Variants in PKNOX2 observed in about 807,000 individuals in gnomAD.
The protein encoded by PKNOX2 is PBX/knotted 1 homeobox 2.
In PKNOX2, 14 loss-of-function variants were observed where a neutral mutation model predicts 53.1. The ratio of observed to expected loss-of-function variants is 0.26; its 90% CI spans 0.17 to 0.41. The LOEUF (loss-of-function observed/expected upper bound fraction) is 0.41. Ranked by LOEUF, PKNOX2 falls within the 10% of genes least tolerant of loss-of-function variation. PKNOX2 has a pLI of 1.00. For synonymous variants in PKNOX2, 257 were observed against 242.8 expected (o/e 1.06, Z -0.54); for missense variants, 496 against 602.8 (o/e 0.82, Z 1.85).
chr11:125,327,861 C>T (rs368311749), intron 2 of PKNOX2, among the ~76,000 whole-genome samples: 2 of 152,312 alleles, frequency 1.3e-5, no homozygotes, highest in South Asian at 2.1e-4. Flanking sequence ...AGCCCTGAAG[C>T]GGTGCCCTGT....
chr11:125,276,050 G>A (rs1424658743), intron 2 of PKNOX2, among the ~76,000 whole-genome samples: 1 of 152,170 alleles, frequency 6.6e-6, no homozygotes, highest in Non-Finnish European at 1.5e-5. Context: ...AAAACCAGAG[G>A]AGCGAAGTAT....
Position 125,411,884 on chromosome 11 carries a change from G to T in PKNOX2, c.936+19G>T, listed in dbSNP as rs757544847. Reference sequence around the variant, plus strand: ...TCTCATGGTGAGTGTGTGTGTCTTGGGGGTGTGGAGTCCCGGCATGGGGTA... The same window carrying T: ...TCTCATGGTGAGTGTGTGTGTCTTGTGGGTGTGGAGTCCCGGCATGGGGTA... On this transcript the variant is annotated intron_variant, in intron 10 of 12. Coordinates refer to ENST00000298282, the MANE Select transcript of PKNOX2 (RefSeq NM_001382323.2). 61 of 1,613,690 alleles carry T rather than the reference G, an allele frequency of 3.8e-5. No individual in the cohort carries two copies. The highest frequency in any genetic ancestry group is 4.3e-5 in the Non-Finnish European group (51 of 1,179,820).
chr11:125,254,077 G>A (rs12288326), intron 2 of PKNOX2, among the ~76,000 whole-genome samples: 51,534 of 151,950 alleles, frequency 0.34, 9,120 homozygotes, highest in African/African-American at 0.41. Flanking sequence ...GCGCACACCA[G>A]GGAAACAAAC....
chr11:125,185,477 C>CCAAA (rs1555110276), intron 1 of PKNOX2, among the ~76,000 whole-genome samples: 47 of 152,126 alleles, frequency 3.1e-4, no homozygotes, highest in Non-Finnish European at 5.6e-4. Context: ...AACATTTTTT[C>CCAAA]ACTTCAGACA....
intron 1 of PKNOX2, among the ~76,000 whole-genome samples, chr11:125,211,845 G>A (rs1005937385): frequency 2.0e-5 from 3 of 152,076 alleles, no homozygotes; most frequent in Admixed American, 6.5e-5. Context: ...AATCAGTATT[G>A]AGGGTCAGAT....
intron 6 of PKNOX2, among the ~76,000 whole-genome samples, chr11:125,389,823 T>A (rs1953920560): frequency 6.6e-6 from 1 of 152,204 alleles, no homozygotes; most frequent in Non-Finnish European, 1.5e-5. Flanking sequence ...TTAACATTTA[T>A]GGGGTACATT....
intron 1 of PKNOX2, among the ~76,000 whole-genome samples, chr11:125,213,275 A>G (rs1477120374): frequency 6.6e-6 from 1 of 152,118 alleles, no homozygotes; most frequent in East Asian, 1.9e-4. Context: ...ATCAGACATT[A>G]GACAAGCCTT....
chr11:125,223,041 T>TA (rs1941376313), intron 1 of PKNOX2, among the ~76,000 whole-genome samples: 1 of 152,164 alleles, frequency 6.6e-6, no homozygotes, highest in African/African-American at 2.4e-5. Flanking sequence ...GCTAATGGTT[T>TA]ACTTCTTCAA....
chr11:125,431,179 G>A lies in PKNOX2; in HGVS notation c.1206G>A (p.Leu402=), dbSNP rs867973008. 1.9e-6 allele frequency: 3 copies of A among 1,613,492 alleles called. No homozygotes were observed. The highest frequency in any genetic ancestry group is 3.3e-4 in the Middle Eastern group (2 of 6,056). ...TTTCTCTCGCAGGTTCCATCAACTTGGACAACCTGCAGTCCCTGTCCTCAG... is the reference window on the plus strand; with the variant it reads ...TTTCTCTCGCAGGTTCCATCAACTTAGACAACCTGCAGTCCCTGTCCTCAG... ...PGTNPDGSIN[L]DNLQSLSSDS... Residue 402 remains leucine (L), a synonymous_variant, in exon 13 of 13, where the codon TTG becomes TTA. Transcript: ENST00000298282.
intron 10 of PKNOX2, among the ~76,000 whole-genome samples, chr11:125,423,459 A>T (rs1319978049): frequency 6.6e-6 from 1 of 152,180 alleles, no homozygotes; most frequent in African/African-American, 2.4e-5. Flanking sequence ...AGGTCCGATC[A>T]CTGATGCTTT....
intron 6 of PKNOX2, among the ~76,000 whole-genome samples, chr11:125,392,716 T>G (rs1489951978): frequency 6.6e-6 from 1 of 152,088 alleles, no homozygotes; most frequent in Admixed American, 6.5e-5. Flanking sequence ...AATAAATGAA[T>G]AGGTAAGTGC....
At chr11:125,295,515 G>A (rs1314012643) in intron 2 of PKNOX2, among the ~76,000 whole-genome samples, 2 of 152,246 alleles carry the variant, frequency 1.3e-5, no homozygotes, top group African/African-American at 4.8e-5. Flanking sequence ...CAGAGTGAGG[G>A]CTCAGGAGCG....
chr11:125,411,236 C>G, intron 9 of PKNOX2: 1 of 309,198 alleles, frequency 3.2e-6, no homozygotes, highest in Non-Finnish European at 6.2e-6. Flanking sequence ...GATAAGTCAC[C>G]TAACCTCTCT....
chr11:125,283,887 C>A (rs1464059830), intron 2 of PKNOX2, among the ~76,000 whole-genome samples: 1 of 152,168 alleles, frequency 6.6e-6, no homozygotes, highest in Non-Finnish European at 1.5e-5. Flanking sequence ...TCAACAGTCA[C>A]CCTGACAGTG....
In PKNOX2 at chr11:125,269,339, G is replaced by A. The variant is rs560104684; in HGVS notation, c.-130+34224G>A. Among the ~76,000 whole-genome samples the A allele has an allele frequency of 1.0e-3, 153 of 151,996 alleles. No homozygotes were observed. The Middle Eastern group carries it at 0.01, about 10-fold the overall frequency. On this transcript the variant is annotated intron_variant, in intron 2 of 12. Transcript: ENST00000298282. ...AATGCTCATTTTATTTCTCCTACAGGAACCATCTGATCTCTCTCTTTATAT... is the reference window on the plus strand; with the variant it reads ...AATGCTCATTTTATTTCTCCTACAGAAACCATCTGATCTCTCTCTTTATAT...
chr11:125,274,527 T>C (rs908564721), intron 2 of PKNOX2, among the ~76,000 whole-genome samples: 4 of 152,172 alleles, frequency 2.6e-5, no homozygotes, highest in Non-Finnish European at 5.9e-5. Context: ...TTTTTCACCT[T>C]TTATAGACTA....
Position 125,367,050 on chromosome 11 carries a change from TTA to T in PKNOX2, c.88-795_88-794del, listed in dbSNP as rs1390032963. On this transcript the variant is annotated intron_variant, in intron 4 of 12. Transcript: ENST00000298282. Reference sequence around the variant, plus strand: ...TTGAGGCTTATCATCATTCACACTTTTAGAGATTTCTTTGACTGAAGGAAATA... The same window carrying T: ...TTGAGGCTTATCATCATTCACACTTTGAGATTTCTTTGACTGAAGGAAATA... Among the ~76,000 whole-genome samples, 3 of 152,276 alleles carry T rather than the reference TTA, an allele frequency of 2.0e-5. No individual in the cohort carries two copies. The East Asian group carries it at 5.8e-4, about 29-fold the overall frequency.
At chr11:125,375,438 G>A (rs1234822239) in intron 5 of PKNOX2, among the ~76,000 whole-genome samples, 1 of 152,176 alleles carries the variant, frequency 6.6e-6, no homozygotes, top group South Asian at 2.1e-4. Flanking sequence ...TTCAGTAACT[G>A]CTCACAAGTA....
intron 1 of PKNOX2, among the ~76,000 whole-genome samples, chr11:125,212,640 G>A (rs1203617333): frequency 3.3e-5 from 5 of 151,772 alleles, no homozygotes; most frequent in African/African-American, 1.2e-4. Flanking sequence ...GAAGAGAGGA[G>A]AGGGAAAAGG....
Sources: gnomAD v4.1 joint callset for allele counts (sites outside exome capture counted in the v4.1 genomes callset) on GRCh38, gnomAD v4.1.1 for gene constraint, MANE v1.5 for transcripts, NCBI Gene and HGNC (gene_info 2026-07-23, HGNC 2026-07-21) for gene names.